Variants in LCLAT1 observed in about 807,000 individuals in gnomAD.
LCLAT1 encodes the protein 1-AGP acyltransferase 8.
In LCLAT1, 11 loss-of-function variants were observed where a neutral mutation model predicts 30.7. The observed-to-expected ratio is 0.36, with a 90% CI of 0.23 to 0.59. The LOEUF is 0.59. LCLAT1 is among the 20% of genes least tolerant of loss of function. LCLAT1 has a pLI of 0.77. For missense variants in LCLAT1, 402 were observed against 458.6 expected (o/e 0.88, Z 1.13); for synonymous variants, 155 against 151.3 (o/e 1.02, Z -0.18).
chr2:30,568,864 C>CAAAAAAAAAAAAAAAAAAAA (rs61325694), intron 5 of LCLAT1, among the ~76,000 whole-genome samples: 3 of 89,114 alleles, frequency 3.4e-5, no homozygotes, highest in Non-Finnish European at 4.2e-5. Context: ...TCATGAATAG[C>CAAAAAAAAAAAAAAAAAAAA]AAAAAAAAAA....
At chr2:30,622,679 G>A (rs550583370) in intron 5 of LCLAT1, among the ~76,000 whole-genome samples, 2 of 152,284 alleles carry the variant, frequency 1.3e-5, no homozygotes, top group African/African-American at 4.8e-5. Context: ...TAGCTCCGCT[G>A]GTTGGCTAGA....
intron 1 of LCLAT1, among the ~76,000 whole-genome samples, chr2:30,455,779 A>G (rs918214457): frequency 1.3e-5 from 2 of 151,930 alleles, no homozygotes; most frequent in Admixed American, 6.6e-5. Flanking sequence ...ATGTGGTGGC[A>G]TGTGCCTATA....
chr2:30,629,521 T>C lies in LCLAT1; in HGVS notation c.629-10596T>C, dbSNP rs1318899126. On this transcript the variant is annotated intron_variant, in intron 5 of 5. Coordinates refer to ENST00000379509, the MANE Select transcript of LCLAT1 (RefSeq NM_001002257.3). ...GTTGCAGTGAGCTGAGATCGCGCCA[T>C]TGCACTCCAGCCTGGGCAACAAGAG... 3.3e-5 allele frequency among the ~76,000 whole-genome samples: 5 copies of C among 152,036 alleles called. No homozygotes were observed. In the East Asian group the frequency reaches 5.8e-4, roughly 18 times the overall value.
chr2:30,588,125 C>T (rs1332329077), intron 5 of LCLAT1, among the ~76,000 whole-genome samples: 1 of 152,236 alleles, frequency 6.6e-6, no homozygotes, highest in South Asian at 2.1e-4. Context: ...TCATAGCTGG[C>T]TGTATAGGCC....
intron 1 of LCLAT1, among the ~76,000 whole-genome samples, chr2:30,479,065 C>T (rs1359438910): frequency 6.6e-6 from 1 of 152,004 alleles, no homozygotes; most frequent in East Asian, 1.9e-4. Flanking sequence ...AGATGTCAGA[C>T]AGAATAGATG....
intron 1 of LCLAT1, among the ~76,000 whole-genome samples, chr2:30,475,981 C>T (rs991355760): frequency 2.0e-5 from 3 of 152,188 alleles, no homozygotes; most frequent in Non-Finnish European, 2.9e-5. Context: ...TCTTCAGCTT[C>T]ATGGTTCTAG....
chr2:30,528,880 T>G (rs1685861151), intron 2 of LCLAT1, among the ~76,000 whole-genome samples: 1 of 152,188 alleles, frequency 6.6e-6, no homozygotes, highest in South Asian at 2.1e-4. Flanking sequence ...GAATTCCTTA[T>G]AGCTAGGTTA....
chr2:30,628,073 T>C (rs900652536), intron 5 of LCLAT1, among the ~76,000 whole-genome samples: 10 of 152,196 alleles, frequency 6.6e-5, no homozygotes, highest in Non-Finnish European at 1.0e-4. Flanking sequence ...GTTGGCTATA[T>C]ATATACAACA....
chr2:30,474,474 C>CT (rs1197522541), intron 1 of LCLAT1, among the ~76,000 whole-genome samples: 20 of 152,224 alleles, frequency 1.3e-4, no homozygotes, highest in African/African-American at 4.6e-4. Context: ...CCAAGCTGGG[C>CT]TTGAACTCCT....
At position 30,569,983 on chromosome 2, in the gene LCLAT1, G is replaced by GATACC. The variant is rs569694905; in HGVS notation, c.628+1810_628+1814dup. Among the ~76,000 whole-genome samples, 419 of 151,774 alleles carry GATACC rather than the reference G, an allele frequency of 2.8e-3. 1 individual carries two copies. Among genetic ancestry groups the GATACC allele is most frequent in the Non-Finnish European group, 4.8e-3 (328 of 67,878 alleles). The stretch of plus-strand genomic sequence containing the variant: ...GCAGTGATGCTTTTTTTTTTAATTT[G>GATACC]ATACCATTTACTATGGCATGTAACT... On this transcript the variant is annotated intron_variant, in intron 5 of 5. Transcript: ENST00000379509.
In LCLAT1 at chr2:30,627,381, T is replaced by C. The variant is rs537038230; in HGVS notation, c.629-12736T>C. Among the ~76,000 whole-genome samples, 606 of 152,204 alleles carry C rather than the reference T, an allele frequency of 4.0e-3. 4 individuals are homozygous for C. The highest frequency in any genetic ancestry group is 6.7e-3 in the Non-Finnish European group (454 of 67,946). On this transcript the variant is annotated intron_variant, in intron 5 of 5. Transcript: ENST00000379509. ...TTTCGATTTCCCAATAACGAAACTT[T>C]CTTCGCTTTTAGAGGCTGACCCCTC...
chr2:30,447,614 C>T (rs1254456022), intron 1 of LCLAT1: 1 of 152,442 alleles, frequency 6.6e-6, no homozygotes. Flanking sequence ...GAAGCGACTC[C>T]TGGAGGCTGG....
In LCLAT1 at chr2:30,558,452, T is replaced by A. The variant is rs558249501; in HGVS notation, c.365-3694T>A. ...CCGTCTCTACTAAAAATACAAAAAT[T>A]AGCCGGGCATGGTGGCATGTGCCTG... is the stretch of plus-strand genomic sequence containing the variant. On this transcript the variant is annotated intron_variant, in intron 3 of 5. Transcript: ENST00000379509. Among the ~76,000 whole-genome samples the A allele has an allele frequency of 2.6e-5, 4 of 151,992 alleles. No homozygotes were observed. In the Middle Eastern group the frequency reaches 0.01, roughly 390 times the overall value.
intron 5 of LCLAT1, among the ~76,000 whole-genome samples, chr2:30,585,918 AG>A (rs1427761933): frequency 6.6e-6 from 1 of 152,176 alleles, no homozygotes; most frequent in African/African-American, 2.4e-5. Flanking sequence ...TTAATTTTCT[AG>A]GGCTGCTGTA....
chr2:30,467,410 G>A (rs945670518), intron 1 of LCLAT1, among the ~76,000 whole-genome samples: 4 of 152,212 alleles, frequency 2.6e-5, no homozygotes, highest in African/African-American at 9.6e-5. Flanking sequence ...GTGTGCATGT[G>A]TCTTTATAGC....
chr2:30,544,335 C>CT (rs1176375187), intron 3 of LCLAT1, among the ~76,000 whole-genome samples: 3 of 152,246 alleles, frequency 2.0e-5, no homozygotes, highest in Admixed American at 2.0e-4. Context: ...TGCTTAAGGA[C>CT]TTTTTTTCCT....
intron 1 of LCLAT1, among the ~76,000 whole-genome samples, chr2:30,477,804 A>G (rs955352991): frequency 6.6e-6 from 1 of 152,218 alleles, no homozygotes; most frequent in African/African-American, 2.4e-5. Context: ...GCTCCCGAGA[A>G]GAATATTTTA....
chr2:30,547,189 C>T (rs1044875765), intron 3 of LCLAT1, among the ~76,000 whole-genome samples: 2 of 152,176 alleles, frequency 1.3e-5, no homozygotes, highest in African/African-American at 2.4e-5. Flanking sequence ...CCACCTGTGA[C>T]TCTTTCTTCA....
intron 1 of LCLAT1, among the ~76,000 whole-genome samples, chr2:30,506,217 C>T (rs906838539): frequency 3.9e-5 from 6 of 151,986 alleles, no homozygotes; most frequent in Non-Finnish European, 5.9e-5. Flanking sequence ...TGTTCTGTTT[C>T]GGAAGAATGA....
Sources: gnomAD v4.1 joint callset for allele counts (sites outside exome capture counted in the v4.1 genomes callset) on GRCh38, gnomAD v4.1.1 for gene constraint, MANE v1.5 for transcripts, NCBI Gene and HGNC (gene_info 2026-07-23, HGNC 2026-07-21) for gene names.